TENM3: variants seen among roughly 807,000 people sequenced by gnomAD.
TENM3 encodes teneurin transmembrane protein 3, also known as teneurin-3.
TENM3 carries 63 observed loss-of-function variants against 255.1 expected under a neutral mutation model. The observed-to-expected ratio is 0.25, with a 90% CI of 0.20 to 0.30. The LOEUF is 0.30. Ranked by LOEUF, TENM3 falls within the 10% of genes least tolerant of loss-of-function variation. The pLI is 1.00. For synonymous variants in TENM3, 1,306 were observed against 1,322.3 expected (o/e 0.99, Z 0.27); for missense variants, 2,929 against 3,461.1 (o/e 0.85, Z 3.86).
chr4:182,555,246 A>G (rs1259563394), intron 3 of TENM3, among the ~76,000 whole-genome samples: 2 of 152,172 alleles, frequency 1.3e-5, no homozygotes, highest in Non-Finnish European at 2.9e-5. Context: ...CATAAATTTA[A>G]CTGTGTGTTG....
chr4:182,164,877 G>C (rs1270303157), intron 1 of TENM3, among the ~76,000 whole-genome samples: 1 of 152,162 alleles, frequency 6.6e-6, no homozygotes, highest in Non-Finnish European at 1.5e-5. Flanking sequence ...CTTGAAGGTA[G>C]AAGTTCTGCT....
At chr4:182,757,807 TTTAA>T (rs1182905290) in intron 22 of TENM3, among the ~76,000 whole-genome samples, 1 of 152,130 alleles carries the variant, frequency 6.6e-6, no homozygotes, top group Non-Finnish European at 1.5e-5. Flanking sequence ...AATGAAAGAT[TTTAA>T]TTAATTAAAA....
intron 1 of TENM3, among the ~76,000 whole-genome samples, chr4:182,309,123 C>T (rs1430655125): frequency 6.6e-6 from 1 of 152,164 alleles, no homozygotes; most frequent in African/African-American, 2.4e-5. Context: ...CCTGAATCTA[C>T]TCTGGAACTT....
At chr4:181,535,342 T>C in the TENM3 span, among the ~76,000 whole-genome samples, 6 of 152,282 alleles carry the variant, frequency 3.9e-5, no homozygotes, top group East Asian at 1.2e-3. Flanking sequence ...ATATTGGTCA[T>C]GCAGCCTGCT....
chr4:181,670,569 G>T, the TENM3 span, among the ~76,000 whole-genome samples: 7 of 152,168 alleles, frequency 4.6e-5, no homozygotes, highest in Admixed American at 1.3e-4. Context: ...GCAATATTAA[G>T]TAATACTAGT....
chr4:181,474,459 G>A, the TENM3 span, among the ~76,000 whole-genome samples: 1 of 152,008 alleles, frequency 6.6e-6, no homozygotes, highest in Non-Finnish European at 1.5e-5. Context: ...GTTTCTGGCT[G>A]GGCACGGTGA....
At chr4:182,233,999 G>A (rs1236120221) in intron 1 of TENM3, among the ~76,000 whole-genome samples, 1 of 152,198 alleles carries the variant, frequency 6.6e-6, no homozygotes, top group Non-Finnish European at 1.5e-5. Context: ...TCAACTTGGG[G>A]AGTTGTGACA....
chr4:182,457,501 G>A (rs1235074190), intron 3 of TENM3, among the ~76,000 whole-genome samples: 1 of 146,200 alleles, frequency 6.8e-6, no homozygotes, highest in Non-Finnish European at 1.5e-5. Flanking sequence ...GAACAGTTAA[G>A]TTGGTTGTTA....
At chr4:181,856,771 C>T in the TENM3 span, among the ~76,000 whole-genome samples, 1 of 152,214 alleles carries the variant, frequency 6.6e-6, no homozygotes, top group African/African-American at 2.4e-5. Context: ...ATCTTGAATC[C>T]CTAGCTTCTG....
At chr4:181,599,193 C>A in the TENM3 span, among the ~76,000 whole-genome samples, 217 of 152,262 alleles carry the variant, frequency 1.4e-3, 2 homozygotes, top group Non-Finnish European at 2.7e-3. Flanking sequence ...CCACATTGAG[C>A]AGAGCTACCT....
rs570137846 is a variant in TENM3, at chr4:182,201,084, C to G, written c.-76+56330C>G. Among the ~76,000 whole-genome samples the G allele has an allele frequency of 1.9e-3, 290 of 152,154 alleles. 1 individual carries two copies. Among genetic ancestry groups the G allele is most frequent in the African/African-American group, 6.6e-3 (274 of 41,514 alleles). Reference sequence around the variant, plus strand: ...AGGTGATCCACCTGCCTTGGCCTCCCAAAGTTCTAGGATTATAGGTGTGAG... The same window carrying G: ...AGGTGATCCACCTGCCTTGGCCTCCGAAAGTTCTAGGATTATAGGTGTGAG... On this transcript the variant is annotated intron_variant, in intron 1 of 2. Transcript: ENST00000512480.
chr4:181,604,789 A>G, the TENM3 span, among the ~76,000 whole-genome samples: 8 of 152,196 alleles, frequency 5.3e-5, no homozygotes, highest in Admixed American at 5.2e-4. Flanking sequence ...CATATAGCCT[A>G]AGAGGTAGCA....
At position 182,653,778 on chromosome 4, in the gene TENM3, T is replaced by C; in HGVS notation, c.996T>C (p.His332=). The C allele has an allele frequency of 6.2e-7, 1 of 1,610,078 alleles. No homozygotes were observed. Among genetic ancestry groups the C allele is most frequent in the Non-Finnish European group, 8.5e-7 (1 of 1,178,102 alleles). The change falls in exon 6 of 28, where the codon CAT becomes CAC. Residue 332 remains histidine, a synonymous_variant. Coordinates refer to ENST00000511685, the MANE Select transcript of TENM3 (RefSeq NM_001080477.4). The part of the protein sequence containing the change: ...AILLSYFIAM[H]LFGLNWQLQQ... ...TGTGTTCTTTACCCCCAGCAATGCA[T>C]CTCTTTGGCCTCAACTGGCAGCTAC...
chr4:182,431,217 C>G (rs1339577127), intron 3 of TENM3, among the ~76,000 whole-genome samples: 2 of 151,754 alleles, frequency 1.3e-5, no homozygotes, highest in African/African-American at 4.8e-5. Flanking sequence ...AGGGATGAGG[C>G]CGGGCGTGGG....
chr4:182,263,152 C>T (rs990623268), intron 1 of TENM3, among the ~76,000 whole-genome samples: 67 of 152,138 alleles, frequency 4.4e-4, no homozygotes, highest in African/African-American at 1.5e-3. Context: ...GTGCAGAAAC[C>T]CTGAGCCGCG....
At chr4:182,740,166 T>C (rs1325931819) in intron 18 of TENM3, among the ~76,000 whole-genome samples, 1 of 151,878 alleles carries the variant, frequency 6.6e-6, no homozygotes, top group Non-Finnish European at 1.5e-5. Context: ...TATAGCAGTA[T>C]ATTAAGCTCT....
chr4:182,602,664 G>A (rs533099562), intron 4 of TENM3, among the ~76,000 whole-genome samples: 1 of 152,240 alleles, frequency 6.6e-6, no homozygotes, highest in East Asian at 1.9e-4. Context: ...AGAAAGAACA[G>A]GAAAAATAGG....
chr4:182,682,095 T>C, intron 11 of TENM3, 81 bp downstream of exon 11: 1 of 1,144,916 alleles, frequency 8.7e-7, no homozygotes, highest in Non-Finnish European at 1.3e-6. Context: ...AAACCTCCCT[T>C]TTTAAACCTA....
intron 12 of TENM3, among the ~76,000 whole-genome samples, chr4:182,710,076 GC>G (rs1173333448): frequency 6.6e-6 from 1 of 152,172 alleles, no homozygotes; most frequent in Non-Finnish European, 1.5e-5. Flanking sequence ...CCTTAAAACT[GC>G]TAATCCAGAT....
Sources: allele counts gnomAD v4.1 joint callset (sites outside exome capture counted in the v4.1 genomes callset), GRCh38; gene constraint gnomAD v4.1.1; transcripts MANE v1.5; gene names NCBI Gene and HGNC (gene_info 2026-07-23, HGNC 2026-07-21).